The following TMEM177 variants were observed in gnomAD, a reference collection of about 807,000 sequenced individuals.
The protein encoded by TMEM177 is transmembrane protein 177.
Under a neutral mutation model 14.2 loss-of-function variants are expected in TMEM177, and 4 were observed. The ratio of observed to expected loss-of-function variants is 0.28; its 90% confidence interval spans 0.14 to 0.64. TMEM177 has a LOEUF of 0.64. TMEM177 is among the 30% of genes least tolerant of loss of function. The pLI, the probability that TMEM177 is intolerant of heterozygous loss-of-function variation, is 0.82. For synonymous variants in TMEM177, 179 were observed against 174.5 expected, an observed-to-expected ratio of 1.03 and a Z score of -0.20; for missense variants, 344 against 405.2, an observed-to-expected ratio of 0.85 and a Z score of 1.30.
the TMEM177 span, among the ~76,000 whole-genome samples, chr2:119,697,954 C>T: frequency 6.6e-6 from 1 of 152,262 alleles, no homozygotes; most frequent in African/African-American, 2.4e-5. Flanking sequence ...GGTGGGGGAA[C>T]ATAGGCAATT....
In TMEM177 at chr2:119,681,160, G is replaced by A. The variant is rs574563906; in HGVS notation, c.307G>A (p.Val103Met). 18 of 1,614,252 alleles carry A rather than the reference G, an allele frequency of 1.1e-5. No homozygotes were observed. The South Asian group carries it at 1.3e-4, about 12-fold the overall frequency. ...CTTCCCAAGACTCCCTGCTGGGGCT[G>A]TGGTGGGCATCCCTGCCAGTTTCTT... ...AGFPRLPAGA[V>M]VGIPASFLGD... The change falls in exon 2 of 2, where the codon GTG becomes ATG. Residue 103 changes from valine to methionine, a missense_variant. Coordinates refer to ENST00000272521, the MANE Select transcript of TMEM177 (RefSeq NM_030577.3).
downstream of TMEM177, among the ~76,000 whole-genome samples, chr2:119,684,524 C>T (rs1437161161): frequency 1.0e-5 from 1 of 98,408 alleles, no homozygotes; most frequent in Non-Finnish European, 2.4e-5. Flanking sequence ...TAAATTGAGG[C>T]TCTCCATAAT....
At chr2:119,692,408 G>A in the TMEM177 span, among the ~76,000 whole-genome samples, 1 of 152,222 alleles carries the variant, frequency 6.6e-6, no homozygotes, top group East Asian at 1.9e-4. Context: ...GAAGGCCTGT[G>A]GCCCGAGGAG....
At chr2:119,719,164 C>T in the TMEM177 span, among the ~76,000 whole-genome samples, 2 of 152,146 alleles carry the variant, frequency 1.3e-5, no homozygotes, top group Non-Finnish European at 2.9e-5. Flanking sequence ...GAGAACATTC[C>T]TTGTATCCCA....
the TMEM177 span, among the ~76,000 whole-genome samples, chr2:119,711,338 A>C: frequency 5.9e-5 from 9 of 152,234 alleles, no homozygotes; most frequent in Non-Finnish European, 1.3e-4. Flanking sequence ...CACGGAGTTC[A>C]AACAGTTAAG....
At chr2:119,694,048 A>G in the TMEM177 span, among the ~76,000 whole-genome samples, 16 of 14,682 alleles carry the variant, frequency 1.1e-3, no homozygotes, top group African/African-American at 2.5e-3. Flanking sequence ...TACCACACAC[A>G]TCACGCACAT....
the TMEM177 span, among the ~76,000 whole-genome samples, chr2:119,718,764 T>C: frequency 2.0e-5 from 3 of 149,194 alleles, no homozygotes; most frequent in Non-Finnish European, 4.5e-5. Context: ...TGAGTAGGGA[T>C]TGGTGAGTAG....
rs1428102598 is a variant in TMEM177, at chr2:119,681,010, C to T, written c.157C>T (p.Gln53Ter). 6.2e-7 allele frequency: 1 copy of T among 1,614,240 alleles called. No homozygotes were observed. The highest frequency in any genetic ancestry group is 8.5e-7 in the Non-Finnish European group (1 of 1,180,056). Residue 53 changes from glutamine (Q) to a stop codon, truncating the protein, a stop_gained, in exon 2 of 2, where the codon CAG (glutamine) becomes TAG (stop). Transcript: ENST00000272521. LOFTEE classifies it high-confidence loss of function. Reference sequence around the variant, plus strand: ...GCTCTACCAGTACTGGCCTCAGGGCCAGCCAGCTCCGCTCCCTCCACAGCT... The same window carrying T: ...GCTCTACCAGTACTGGCCTCAGGGCTAGCCAGCTCCGCTCCCTCCACAGCT... ...QWLYQYWPQG[Q>*]PAPLPPQLQS...
At chr2:119,716,533 C>T in the TMEM177 span, among the ~76,000 whole-genome samples, 2 of 152,136 alleles carry the variant, frequency 1.3e-5, no homozygotes, top group Admixed American at 6.5e-5. Flanking sequence ...TTGCAATGCT[C>T]GAGTCCCAGC....
chr2:119,679,509 A>G (rs1454649183), intron 1 of TMEM177: 1 of 152,066 alleles, frequency 6.6e-6, no homozygotes, highest in Non-Finnish European at 1.5e-5. Context: ...CCGAATGATA[A>G]TGATTCTTAT....
At chr2:119,719,463 G>A in the TMEM177 span, among the ~76,000 whole-genome samples, 1 of 152,236 alleles carries the variant, frequency 6.6e-6, no homozygotes, top group African/African-American at 2.4e-5. Flanking sequence ...CCAAGCGTGG[G>A]TGCTGCCCCG....
the TMEM177 span, among the ~76,000 whole-genome samples, chr2:119,692,735 G>A: frequency 1.3e-5 from 2 of 152,134 alleles, no homozygotes; most frequent in Admixed American, 1.3e-4. Context: ...TACTTTGGGA[G>A]GCCAAGGCAG....
chr2:119,701,349 G>A, the TMEM177 span, among the ~76,000 whole-genome samples: 1 of 152,196 alleles, frequency 6.6e-6, no homozygotes, highest in Non-Finnish European at 1.5e-5. Flanking sequence ...AAGGTTCCTG[G>A]GGCTGGGTGA....
the TMEM177 span, among the ~76,000 whole-genome samples, chr2:119,711,571 C>G: frequency 1.3e-5 from 2 of 152,162 alleles, no homozygotes; most frequent in Non-Finnish European, 2.9e-5. Flanking sequence ...CTCAGTTTTT[C>G]ACATCGCCTG....
the TMEM177 span, among the ~76,000 whole-genome samples, chr2:119,713,358 G>A: frequency 2.0e-5 from 3 of 152,172 alleles, no homozygotes; most frequent in Non-Finnish European, 4.4e-5. Flanking sequence ...GTGAGCCTCT[G>A]TGCCTGGCCT....
the TMEM177 span, among the ~76,000 whole-genome samples, chr2:119,696,775 C>T: frequency 6.6e-6 from 1 of 152,050 alleles, no homozygotes; most frequent in African/African-American, 2.4e-5. Context: ...GGGCAGAGGC[C>T]CTGAGGCAGG....
the TMEM177 span, among the ~76,000 whole-genome samples, chr2:119,706,073 G>A: frequency 1.4e-5 from 2 of 144,926 alleles, no homozygotes; most frequent in African/African-American, 5.4e-5. Flanking sequence ...CACCCAGGCT[G>A]GAGTGCAGTG....
downstream of TMEM177, among the ~76,000 whole-genome samples, chr2:119,689,319 C>T (rs1689061809): frequency 6.6e-6 from 1 of 152,136 alleles, no homozygotes; most frequent in Non-Finnish European, 1.5e-5. Flanking sequence ...GACAAGTACA[C>T]CTGCAGTGAC....
At chr2:119,708,868 T>C in the TMEM177 span, among the ~76,000 whole-genome samples, 2 of 152,244 alleles carry the variant, frequency 1.3e-5, no homozygotes, top group African/African-American at 2.4e-5. Flanking sequence ...TATTGTTTTC[T>C]ACATTTCTTT....
Sources: gnomAD v4.1 joint callset for allele counts (sites outside exome capture counted in the v4.1 genomes callset) on GRCh38, gnomAD v4.1.1 for gene constraint, MANE v1.5 for transcripts, NCBI Gene and HGNC (gene_info 2026-07-23, HGNC 2026-07-21) for gene names.